WNT16: variants seen among roughly 807,000 people sequenced by gnomAD.
WNT16 encodes the protein Wnt family member 16, also known as protein Wnt-16.
A neutral mutation model predicts 35.4 loss-of-function variants in WNT16; 20 were observed. That is an observed-to-expected ratio of 0.56 (90% CI 0.40 to 0.82). WNT16 has a LOEUF of 0.82. Ranked by LOEUF, WNT16 falls within the 40% of genes least tolerant of loss-of-function variation. The pLI, the probability that WNT16 is intolerant of heterozygous loss-of-function variation, is 0.00. For missense variants in WNT16, 461 were observed against 466.0 expected (o/e 0.99, Z 0.10); for synonymous variants, 180 against 179.2 (o/e 1.00, Z -0.03).
chr7:121,326,038 CAAAAAAAAAA>C (rs386411143), upstream of WNT16, among the ~76,000 whole-genome samples: 263 of 23,094 alleles, frequency 0.011, 4 homozygotes, highest in Middle Eastern at 0.045. Context: ...TACCTCATCT[CAAAAAAAAAA>C]AAAAAAAAAA....
rs1793291300 is a variant in WNT16, at chr7:121,329,096, A to G, written c.-197A>G. On this transcript the variant is annotated 5_prime_UTR_variant, in exon 1 of 4. Coordinates refer to ENST00000222462, the MANE Select transcript of WNT16 (RefSeq NM_057168.2). ...AGGAGATCCCCAGGCTGCTCTCTCC[A>G]TCTCTCCTACAGCTCCCTGCAAACG... 6 of 1,330,672 alleles carry G rather than the reference A, an allele frequency of 4.5e-6. No individual in the cohort carries two copies. In the South Asian group the frequency reaches 1.2e-4, roughly 27 times the overall value. 82.4% of individuals were successfully genotyped at this position (1,330,672 alleles called of 1,614,324 possible).
intron 3 of WNT16, among the ~76,000 whole-genome samples, chr7:121,338,485 T>G (rs1793474710): frequency 6.6e-6 from 1 of 152,188 alleles, no homozygotes; most frequent in Non-Finnish European, 1.5e-5. Context: ...TGAGCTGTAT[T>G]CTGAGTAACG....
chr7:121,334,417 C>A (rs1793403517), intron 3 of WNT16, among the ~76,000 whole-genome samples: 2 of 151,884 alleles, frequency 1.3e-5, no homozygotes, highest in African/African-American at 2.4e-5. Flanking sequence ...AAAAACAAAA[C>A]CAACAACACC....
upstream of WNT16, chr7:121,325,394 C>G (rs757379149): frequency 1.2e-6 from 2 of 1,603,466 alleles, no homozygotes; most frequent in Non-Finnish European, 1.7e-6. Context: ...GAGGGCAAAG[C>G]CAGAAAGATG....
intron 2 of WNT16, among the ~76,000 whole-genome samples, chr7:121,330,760 T>C (rs1793333929): frequency 1.4e-5 from 2 of 143,354 alleles, no homozygotes; most frequent in South Asian, 4.4e-4. Flanking sequence ...AAAAAATAGA[T>C]GTGTTTTTCA....
In WNT16 at chr7:121,329,399, G is replaced by T; in HGVS notation, c.95+12G>T. On this transcript the variant is annotated intron_variant, in intron 1 of 3. Coordinates refer to ENST00000222462, the MANE Select transcript of WNT16 (RefSeq NM_057168.2). ...CAAGGAAACTGGATGTGAGTATGGA[G>T]GTGGCAGGGAAGCATCGGGTAGGTG... is the stretch of plus-strand genomic sequence containing the variant. The T allele has an allele frequency of 1.9e-6, 3 of 1,609,454 alleles. No individual in the cohort carries two copies. The highest frequency in any genetic ancestry group is 1.7e-6 in the Non-Finnish European group (2 of 1,177,246).
chr7:121,338,203 A>C (rs1793469863), intron 3 of WNT16, among the ~76,000 whole-genome samples: 2 of 152,194 alleles, frequency 1.3e-5, no homozygotes, highest in African/African-American at 4.8e-5. Context: ...TGCTCATTAA[A>C]ATAATCTCAG....
At chr7:121,329,414 T>G (rs770713570) in intron 1 of WNT16, 27 bp downstream of exon 1, 1 of 1,604,156 alleles carries the variant, frequency 6.2e-7, no homozygotes, top group African/African-American at 1.3e-5. Flanking sequence ...CAGGGAAGCA[T>G]CGGGTAGGTG....
intron 3 of WNT16, among the ~76,000 whole-genome samples, chr7:121,332,511 A>T (rs1793367336): frequency 6.6e-6 from 1 of 152,180 alleles, no homozygotes; most frequent in Non-Finnish European, 1.5e-5. Context: ...CCTTTCTAAT[A>T]GAACTGAGTC....
intron 3 of WNT16, among the ~76,000 whole-genome samples, chr7:121,338,468 T>G (rs949901846): frequency 1.3e-5 from 2 of 152,234 alleles, no homozygotes; most frequent in African/African-American, 4.8e-5. Flanking sequence ...CTGGTGTTGC[T>G]GGTCCCTGAG....
chr7:121,326,594 C>T (rs900491004), upstream of WNT16, among the ~76,000 whole-genome samples: 2 of 152,058 alleles, frequency 1.3e-5, no homozygotes, highest in Non-Finnish European at 2.9e-5. Flanking sequence ...CCTCCCCACT[C>T]TGATCCCCAA....
rs1426754880 is a variant in WNT16, at chr7:121,338,949, A to G, written c.702A>G (p.Thr234=). 2 of 1,614,154 alleles carry G rather than the reference A, an allele frequency of 1.2e-6. No individual in the cohort carries two copies. Among genetic ancestry groups the G allele is most frequent in the East Asian group, 2.2e-5 (1 of 44,890 alleles). ...HGVSGSCAVK[T]CWKTMSSFEK... is the part of the protein sequence containing the mutation. Reference sequence around the variant, plus strand: ...TTTCCGGCTCCTGTGCTGTGAAAACATGCTGGAAAACCATGTCTTCTTTTG... The same window carrying G: ...TTTCCGGCTCCTGTGCTGTGAAAACGTGCTGGAAAACCATGTCTTCTTTTG... Residue 234 remains threonine, a synonymous_variant, in exon 4 of 4, where the codon ACA becomes ACG. Coordinates refer to ENST00000222462, the MANE Select transcript of WNT16 (RefSeq NM_057168.2).
rs749816935 is a variant in WNT16 at position 121,331,824 on chromosome 7, T to C, written c.493T>C (p.Trp165Arg). The change falls in exon 3 of 4, where the codon TGG becomes CGG. Residue 165 changes from tryptophan to arginine, a missense_variant. Coordinates refer to ENST00000222462, the MANE Select transcript of WNT16 (RefSeq NM_057168.2). ...NGGSASEGWHWGGCSDDVQYG... is the reference protein window; with the variant it reads ...NGGSASEGWHRGGCSDDVQYG... Reference sequence around the variant, plus strand: ...CGGCTCAGCAAGTGAAGGCTGGCACTGGGGGGGCTGCTCCGATGATGTCCA... The same window carrying C: ...CGGCTCAGCAAGTGAAGGCTGGCACCGGGGGGGCTGCTCCGATGATGTCCA... 5.0e-6 allele frequency: 8 copies of C among 1,613,982 alleles called. No individual in the cohort carries two copies. Among genetic ancestry groups the C allele is most frequent in the Non-Finnish European group, 6.8e-6 (8 of 1,180,004 alleles).
upstream of WNT16, among the ~76,000 whole-genome samples, chr7:121,328,679 G>T (rs1793280402): frequency 6.6e-6 from 1 of 152,198 alleles, no homozygotes; most frequent in Non-Finnish European, 1.5e-5. Context: ...GGTGGGATGG[G>T]TGGGACTCAT....
At chr7:121,332,802 T>G (rs1793374692) in intron 3 of WNT16, among the ~76,000 whole-genome samples, 1 of 152,126 alleles carries the variant, frequency 6.6e-6, no homozygotes. Context: ...TTTTAAAATA[T>G]CAGTATCTTA....
chr7:121,326,820 A>G (rs145578549), upstream of WNT16, among the ~76,000 whole-genome samples: 3 of 152,264 alleles, frequency 2.0e-5, no homozygotes, highest in African/African-American at 7.2e-5. Context: ...TCTTTAAAAC[A>G]TCTACCACCG....
intron 3 of WNT16, among the ~76,000 whole-genome samples, chr7:121,337,838 T>G (rs2116843026): frequency 6.6e-6 from 1 of 152,332 alleles, no homozygotes; most frequent in East Asian, 1.9e-4. Flanking sequence ...TATATGTAGT[T>G]TCATTTAACT....
chr7:121,331,386 G>A (rs1419386456), intron 2 of WNT16, among the ~76,000 whole-genome samples: 1 of 152,120 alleles, frequency 6.6e-6, no homozygotes, highest in Non-Finnish European at 1.5e-5. Context: ...TGAACTGGGT[G>A]CAAACATACA....
chr7:121,337,696 A>G (rs1250291645), intron 3 of WNT16, among the ~76,000 whole-genome samples: 4 of 152,150 alleles, frequency 2.6e-5, no homozygotes, highest in Admixed American at 2.0e-4. Context: ...TAAACTTTTG[A>G]AATCTCTATA....
Sources: gnomAD v4.1 joint callset for allele counts (sites outside exome capture counted in the v4.1 genomes callset) on GRCh38, gnomAD v4.1.1 for gene constraint, MANE v1.5 for transcripts, NCBI Gene and HGNC (gene_info 2026-07-23, HGNC 2026-07-21) for gene names.